Variants in RYR3 observed in about 807,000 individuals in gnomAD.
RYR3 encodes the protein brain ryanodine receptor-calcium release channel.
A neutral mutation model predicts 584.3 loss-of-function variants in RYR3; 207 were observed. The ratio of observed to expected loss-of-function variants is 0.35; its 90% CI spans 0.32 to 0.40. RYR3 has a LOEUF of 0.40. Ranked by LOEUF, RYR3 falls within the 10% of genes least tolerant of loss-of-function variation. The probability of loss-of-function intolerance (pLI) is 1.00; values close to 1 mark genes in which losing one functional copy is unlikely to be tolerated. For missense variants in RYR3, 5,616 were observed against 6,089.2 expected (o/e 0.92, Z 2.59); for synonymous variants, 2,416 against 2,248.5 (o/e 1.07, Z -2.11).
At chr15:33,857,997 T>TG (rs1323290444) in intron 99 of RYR3, 83 bp downstream of exon 99, 4 of 1,565,562 alleles carry the variant, frequency 2.6e-6, no homozygotes, top group African/African-American at 2.7e-5. Context: ...AAGGGCTGTG[T>TG]GGGGGTGCTC....
intron 1 of RYR3, among the ~76,000 whole-genome samples, chr15:33,435,403 G>GTA (rs1567230285): frequency 6.6e-6 from 1 of 152,174 alleles, no homozygotes; most frequent in African/African-American, 2.4e-5. Context: ...GCATTCCAGT[G>GTA]TATACATTTA....
At chr15:33,822,872 C>A in intron 80 of RYR3, 124 bp from the exon 81 acceptor site, 1 of 660,582 alleles carries the variant, frequency 1.5e-6, no homozygotes, top group African/African-American at 1.8e-5. Context: ...CCCCATGGGA[C>A]TCTGATTCCA....
chr15:33,325,701 C>T (rs893170487), intron 1 of RYR3, among the ~76,000 whole-genome samples: 3 of 139,272 alleles, frequency 2.2e-5, no homozygotes, highest in Admixed American at 7.4e-5. Flanking sequence ...TTCCCCCTTC[C>T]CCTCTCTGCC....
chr15:33,845,386 G>A (rs1429863655), intron 93 of RYR3, among the ~76,000 whole-genome samples: 3 of 152,146 alleles, frequency 2.0e-5, no homozygotes, highest in African/African-American at 7.2e-5. Context: ...CCGAGTAGCT[G>A]GGATTACAGA....
intron 10 of RYR3, among the ~76,000 whole-genome samples, chr15:33,559,989 GATA>G (rs901600478): frequency 6.9e-4 from 105 of 152,280 alleles, no homozygotes; most frequent in African/African-American, 2.5e-3. Context: ...GAACTTTAGA[GATA>G]ATAATTGTAT....
rs1233547912 is a variant in RYR3 at position 33,613,326 on chromosome 15, A to G, written c.2308A>G (p.Asn770Asp). 2 of 1,613,526 alleles carry G rather than the reference A, an allele frequency of 1.2e-6. No individual in the cohort carries two copies. The change falls in exon 19 of 104, where the codon AAC (asparagine) becomes GAC (aspartate). Residue 770 changes from asparagine to aspartate, a missense_variant. Asn to Asp is a conservative substitution (Grantham distance 23). Coordinates refer to ENST00000634891, the MANE Select transcript of RYR3 (RefSeq NM_001036.6). ...QPVQGMFENFNTDGLFFPVMS... is the reference protein window; with the variant it reads ...QPVQGMFENFDTDGLFFPVMS... ...CGTGCAGGGGATGTTTGAGAACTTC[A>G]ACACAGACGGGCTCTTCTTCCCTGT... is the stretch of plus-strand genomic sequence containing the variant.
chr15:33,713,460 CAT>C (rs2067264539), intron 43 of RYR3, among the ~76,000 whole-genome samples: 1 of 150,160 alleles, frequency 6.7e-6, no homozygotes, highest in East Asian at 2.0e-4. Context: ...GGTGCATGGT[CAT>C]ATAGGGGGGT....
intron 22 of RYR3, 79 bp downstream of exon 22, chr15:33,630,122 G>A (rs2061192929): frequency 1.3e-6 from 1 of 747,188 alleles, no homozygotes; most frequent in African/African-American, 1.8e-5. Context: ...GCAAAGATAT[G>A]TCTCTTGCCT....
intron 57 of RYR3, 24 bp downstream of exon 57, chr15:33,750,310 T>C: frequency 1.2e-6 from 2 of 1,608,116 alleles, no homozygotes; most frequent in African/African-American, 1.3e-5. Context: ...CATGTGATGC[T>C]AGTGGGACAG....
Position 33,586,058 on chromosome 15 carries a change from C to T in RYR3, c.1730C>T (p.Ala577Val), listed in dbSNP as rs191576484. 32 of 1,613,548 alleles carry T rather than the reference C, an allele frequency of 2.0e-5. No individual in the cohort carries two copies. The highest frequency in any genetic ancestry group is 1.9e-4 in the South Asian group (17 of 91,068). Residue 577 changes from alanine to valine, a missense_variant, in exon 16 of 104, where the codon GCG becomes GTG. Physicochemically the swap from Ala to Val is moderately conservative, Grantham distance 64. Transcript: ENST00000634891. ...TESPEALNLI[A>V]EGHIKSIISL... The stretch of plus-strand genomic sequence containing the variant: ...AGCCCAGAAGCCTTAAATCTGATAG[C>T]GGAGGGCCACATCAAGTCGATCATC...
intron 1 of RYR3, among the ~76,000 whole-genome samples, chr15:33,385,710 C>CTTTTTTTTTTTTTTTTTTTCTTTTTT (rs10682215): frequency 3.8e-5 from 5 of 131,402 alleles, no homozygotes; most frequent in African/African-American, 5.9e-5. Flanking sequence ...TTTTTCTTTT[C>CTTTTTTTTTTTTTTTTTTTCTTTTTT]TTTTTTTTTT....
intron 14 of RYR3, among the ~76,000 whole-genome samples, chr15:33,582,183 G>A (rs1277557556): frequency 6.6e-6 from 1 of 152,164 alleles, no homozygotes; most frequent in Non-Finnish European, 1.5e-5. Context: ...TGCTACAACA[G>A]GTTCCATCCA....
At chr15:33,382,563 T>C (rs1219289925) in intron 1 of RYR3, among the ~76,000 whole-genome samples, 1 of 152,074 alleles carries the variant, frequency 6.6e-6, no homozygotes, top group Non-Finnish European at 1.5e-5. Flanking sequence ...CCTTAGGTGA[T>C]CCACCTGCTT....
At chr15:33,732,310 C>T (rs12902018) in intron 48 of RYR3, among the ~76,000 whole-genome samples, 21,359 of 150,132 alleles carry the variant, frequency 0.14, 1,680 homozygotes, top group East Asian at 0.29. Context: ...ATGGCGTGAA[C>T]CTGGGACGTG....
At chr15:33,481,397 G>A (rs968071179) in intron 2 of RYR3, among the ~76,000 whole-genome samples, 2 of 151,668 alleles carry the variant, frequency 1.3e-5, no homozygotes, top group African/African-American at 4.8e-5. Context: ...CTCCTTTTTT[G>A]CCTTTAAATA....
chr15:33,366,677 A>C (rs553822105), intron 1 of RYR3, among the ~76,000 whole-genome samples: 180 of 152,302 alleles, frequency 1.2e-3, no homozygotes, highest in Non-Finnish European at 2.2e-3. Flanking sequence ...TGCTAGGAAA[A>C]TGATGGGTGT....
chr15:33,318,045 A>G (rs1441041246), intron 1 of RYR3, among the ~76,000 whole-genome samples: 1 of 152,216 alleles, frequency 6.6e-6, no homozygotes, highest in African/African-American at 2.4e-5. Flanking sequence ...TCAGATTACA[A>G]AGAGATTCAG....
chr15:33,479,366 T>C (rs1264961610), intron 2 of RYR3, among the ~76,000 whole-genome samples: 8 of 152,004 alleles, frequency 5.3e-5, no homozygotes, highest in African/African-American at 1.5e-4. Flanking sequence ...TGATGTATGT[T>C]AGTACATAGT....
At chr15:33,463,573 G>T (rs1357559604) in intron 1 of RYR3, among the ~76,000 whole-genome samples, 1 of 151,734 alleles carries the variant, frequency 6.6e-6, no homozygotes, top group African/African-American at 2.4e-5. Flanking sequence ...ATAGGTAATA[G>T]GTCACTGCAT....
Sources: allele counts gnomAD v4.1 joint callset (sites outside exome capture counted in the v4.1 genomes callset), GRCh38; gene constraint gnomAD v4.1.1; transcripts MANE v1.5; gene names NCBI Gene and HGNC (gene_info 2026-07-23, HGNC 2026-07-21).